Variants in EBF3 observed in about 807,000 individuals in gnomAD.
The protein encoded by EBF3 is transcription factor COE3.
In EBF3, 18 loss-of-function variants were observed where a neutral mutation model predicts 77.1. The observed-to-expected ratio is 0.23, with a 90% CI of 0.16 to 0.35. EBF3 has a LOEUF of 0.35. Among genes scored for constraint, EBF3 ranks in the 10% least tolerant of loss-of-function variants. EBF3 has a pLI of 1.00. For missense variants in EBF3, 558 were observed against 860.0 expected (o/e 0.65, Z 4.39); for synonymous variants, 350 against 343.5 (o/e 1.02, Z -0.21).
At chr10:129,957,388 A>ATT (rs36101167) in intron 5 of EBF3, 62 bp from the exon 6 acceptor site, 222,282 of 1,146,728 alleles carry the variant, frequency 0.19, 7,203 homozygotes, top group East Asian at 0.3. Context: ...CCCGACTTGT[A>ATT]TTTTTTTTTT....
At chr10:129,894,337 T>C (rs2134210102) in intron 6 of EBF3, among the ~76,000 whole-genome samples, 1 of 152,306 alleles carries the variant, frequency 6.6e-6, no homozygotes. Context: ...AATGGGTGCA[T>C]TAATTAGTCA....
chr10:129,897,410 G>A lies in EBF3; in HGVS notation c.555-19561C>T, dbSNP rs573811545. On this transcript the variant is annotated intron_variant, in intron 6 of 16. Transcript: ENST00000440978. The surrounding 1 kb of genome is among the most constrained non-coding windows in gnomAD (Gnocchi z 4.6). ...CAGCGGTGCCACCCATCTGGAAGGC[G>A]GTGCTGCAAAACCCTGAGGTGCATG... Among the ~76,000 whole-genome samples the A allele has an allele frequency of 7.2e-5, 11 of 152,222 alleles. No homozygotes were observed. In the East Asian group the frequency reaches 1.5e-3, roughly 21 times the overall value.
chr10:129,899,021 C>T (rs1031116712), intron 6 of EBF3, among the ~76,000 whole-genome samples: 2 of 152,178 alleles, frequency 1.3e-5, no homozygotes, highest in Admixed American at 6.5e-5. Context: ...CGTCGGAGCG[C>T]GGCAGCAACA....
intron 6 of EBF3, among the ~76,000 whole-genome samples, chr10:129,911,144 G>A (rs553214219): frequency 5.9e-5 from 9 of 152,292 alleles, no homozygotes; most frequent in Admixed American, 3.9e-4. Context: ...GCCCCCACAC[G>A]GCACATGGCA....
At chr10:129,896,163 T>TG (rs1854355992) in intron 6 of EBF3, among the ~76,000 whole-genome samples, 1 of 87,730 alleles carries the variant, frequency 1.1e-5, no homozygotes, top group Non-Finnish European at 2.3e-5. Flanking sequence ...AAATGCAGGG[T>TG]GGGGGGAAGG....
intron 6 of EBF3, among the ~76,000 whole-genome samples, chr10:129,933,589 C>T (rs1317565278): frequency 1.3e-5 from 2 of 152,204 alleles, no homozygotes; most frequent in African/African-American, 4.8e-5. Context: ...GGAAGGGAAT[C>T]CCGCTCCCAG....
intron 9 of EBF3, 131 bp from the exon 10 acceptor site, chr10:129,867,398 C>T: frequency 7.2e-7 from 1 of 1,389,786 alleles, no homozygotes; most frequent in Non-Finnish European, 9.7e-7. Context: ...TCCTAGCTGT[C>T]ACCCAGAGTC....
Position 129,842,173 on chromosome 10 carries a change from A to T in EBF3, c.1315T>A (p.Ser439Thr). The T allele has an allele frequency of 6.2e-7, 1 of 1,614,202 alleles. No individual in the cohort carries two copies. ...PAHTGMMGVN[S>T]FSSQLAVNVS... ...TTGACGGCTAGCTGGCTGCTGAAGG[A>T]GTTGACGCCCATCATGCCCGTGTGT... Residue 439 changes from serine to threonine, a missense_variant, in exon 13 of 17, where the codon TCC becomes ACC. By Grantham distance (58) the Ser-to-Thr change is moderately conservative. Coordinates refer to ENST00000440978, the MANE Select transcript of EBF3 (RefSeq NM_001375380.1). The surrounding 1 kb of genome is among the most constrained non-coding windows in gnomAD (Gnocchi z 4.4).
chr10:129,897,399 A>C lies in EBF3; in HGVS notation c.555-19550T>G, dbSNP rs1031287744. Among the ~76,000 whole-genome samples the C allele has an allele frequency of 3.9e-5, 6 of 152,116 alleles. No individual in the cohort carries two copies. The highest frequency in any genetic ancestry group is 4.2e-4 in the South Asian group (2 of 4,808). ...AGAGCAGAGCCCAGCGGTGCCACCCATCTGGAAGGCGGTGCTGCAAAACCC... is the reference window on the plus strand; with the variant it reads ...AGAGCAGAGCCCAGCGGTGCCACCCCTCTGGAAGGCGGTGCTGCAAAACCC... On this transcript the variant is annotated intron_variant, in intron 6 of 16. Transcript: ENST00000440978. This position sits in a 1 kb window ranked among gnomAD's most constrained non-coding sequence, Gnocchi z 4.6.
chr10:129,841,048 C>CCCCCA lies in EBF3; in HGVS notation c.1373-17_1373-16insTGGGG. On this transcript the variant is annotated splice_polypyrimidine_tract_variant and intron_variant, in intron 13 of 16. Coordinates refer to ENST00000440978, the MANE Select transcript of EBF3 (RefSeq NM_001375380.1). The surrounding 1 kb of genome is among the most constrained non-coding windows in gnomAD (Gnocchi z 4.6). ...CTGTAGCCGACTGTTGAAATCCCCC[C>CCCCCA]CCCGGCCAAAAATAACATTATTATC... 1.2e-6 allele frequency: 2 copies of CCCCCA among 1,602,190 alleles called. No homozygotes were observed. The highest frequency in any genetic ancestry group is 1.7e-6 in the Non-Finnish European group (2 of 1,173,926).
At chr10:129,860,591 C>A (rs1226700869) in intron 10 of EBF3, among the ~76,000 whole-genome samples, 1 of 152,184 alleles carries the variant, frequency 6.6e-6, no homozygotes, top group Non-Finnish European at 1.5e-5. Flanking sequence ...GTCACAGCCA[C>A]TTGGAAAACG....
chr10:129,929,330 A>G (rs908222274), intron 6 of EBF3, among the ~76,000 whole-genome samples: 5 of 152,076 alleles, frequency 3.3e-5, no homozygotes, highest in African/African-American at 1.2e-4. Flanking sequence ...TCAGCCTCCC[A>G]AGTAGCTGGA....
At chr10:129,950,464 C>T (rs117377734) in intron 6 of EBF3, among the ~76,000 whole-genome samples, 181 of 152,320 alleles carry the variant, frequency 1.2e-3, no homozygotes, top group Non-Finnish European at 1.9e-3. Flanking sequence ...CTATACCCCT[C>T]CCTGCAGTGC....
chr10:129,872,514 C>T (rs55953361), intron 8 of EBF3, among the ~76,000 whole-genome samples: 5,457 of 152,272 alleles, frequency 0.036, 342 homozygotes, highest in African/African-American at 0.13. Flanking sequence ...GTGCATCTGT[C>T]TGCCTCGTGT....
chr10:129,911,018 C>T (rs1157768994), intron 6 of EBF3, among the ~76,000 whole-genome samples: 1 of 152,222 alleles, frequency 6.6e-6, no homozygotes, highest in Non-Finnish European at 1.5e-5. Context: ...ACCAGCACAT[C>T]ATGATGGGTA....
At chr10:129,849,216 C>T (rs1346496130) in intron 10 of EBF3, among the ~76,000 whole-genome samples, 5 of 152,236 alleles carry the variant, frequency 3.3e-5, no homozygotes, top group Admixed American at 1.3e-4. Context: ...TATAAGGAGC[C>T]ATCGGGCTTT....
intron 5 of EBF3, among the ~76,000 whole-genome samples, 185 bp from the exon 6 acceptor site, chr10:129,957,511 CGGAAGGA>C (rs747214969): frequency 6.6e-5 from 10 of 151,972 alleles, no homozygotes; most frequent in Non-Finnish European, 1.5e-4. Context: ...AACTTTCTAC[CGGAAGGA>C]GCAAAGTTGA....
At chr10:129,845,769 CAG>C (rs1850410165) in intron 11 of EBF3, 2 of 151,506 alleles carry the variant, frequency 1.3e-5, no homozygotes, top group African/African-American at 4.8e-5. Context: ...AAAAAAAGAA[CAG>C]AATATATTTG....
rs1346846162 is a variant in EBF3, at chr10:129,842,103, C to A, written c.1372+13G>T. ...GCGTTCAGGGCAGGGGTCCTCCCAGCATGCTGGCATACCTTGGTCGTTGGC... is the reference window on the plus strand; with the variant it reads ...GCGTTCAGGGCAGGGGTCCTCCCAGAATGCTGGCATACCTTGGTCGTTGGC... On this transcript the variant is annotated intron_variant, in intron 13 of 16. Transcript: ENST00000440978. The surrounding 1 kb of genome is among the most constrained non-coding windows in gnomAD (Gnocchi z 4.4). The A allele has an allele frequency of 2.5e-5, 41 of 1,614,028 alleles. No homozygotes were observed. The highest frequency in any genetic ancestry group is 3.5e-5 in the Non-Finnish European group (41 of 1,180,026).
Sources: gnomAD v4.1 joint callset for allele counts (sites outside exome capture counted in the v4.1 genomes callset) on GRCh38, gnomAD v4.1.1 for gene constraint, Gnocchi (gnomAD v3.1) non-coding constraint, MANE v1.5 for transcripts, NCBI Gene and HGNC (gene_info 2026-07-23, HGNC 2026-07-21) for gene names.